Variants in MTREX observed in about 807,000 individuals in gnomAD.
MTREX encodes the protein exosome RNA helicase MTR4.
In MTREX, 76 loss-of-function variants were observed where a neutral mutation model predicts 135.4. The observed-to-expected ratio is 0.56, with a 90% confidence interval of 0.47 to 0.68. The LOEUF (loss-of-function observed/expected upper bound fraction) is 0.68. MTREX is among the 30% of genes least tolerant of loss of function. The pLI, the probability that MTREX is intolerant of heterozygous loss-of-function variation, is 0.00. For missense variants in MTREX, 920 were observed against 1,262.1 expected (o/e 0.73, Z 4.11); for synonymous variants, 404 against 401.6 (o/e 1.01, Z -0.07).
At chr5:55,330,152 C>T (rs1749449686) in intron 5 of MTREX, among the ~76,000 whole-genome samples, 2 of 151,982 alleles carry the variant, frequency 1.3e-5, no homozygotes, top group African/African-American at 2.4e-5. Flanking sequence ...AAACAGAGCT[C>T]ATTTGCATTC....
At chr5:55,322,590 T>C in intron 2 of MTREX, 126 bp downstream of exon 2, 1 of 667,046 alleles carries the variant, frequency 1.5e-6, no homozygotes, top group Non-Finnish European at 2.4e-6. Flanking sequence ...ATATTCTTTC[T>C]ATTTTTACAC....
intron 22 of MTREX, among the ~76,000 whole-genome samples, chr5:55,407,676 A>G (rs1397625779): frequency 6.6e-6 from 1 of 152,034 alleles, no homozygotes; most frequent in Non-Finnish European, 1.5e-5. Flanking sequence ...TTTGGCCTCA[A>G]TTACTGCAGT....
In MTREX at chr5:55,311,673, A is replaced by G. The variant is rs560883860; in HGVS notation, c.134+3526A>G. 3.3e-5 allele frequency among the ~76,000 whole-genome samples: 5 copies of G among 152,346 alleles called. No individual in the cohort carries two copies. In the East Asian group the frequency reaches 7.7e-4, roughly 23 times the overall value. ...CCTCACGTAGCTGTTGAGCACTTAAAATATGACTTGTCAGAATTGAGATGT... is the reference window on the plus strand; with the variant it reads ...CCTCACGTAGCTGTTGAGCACTTAAGATATGACTTGTCAGAATTGAGATGT... On this transcript the variant is annotated intron_variant, in intron 1 of 26. Coordinates refer to ENST00000230640, the MANE Select transcript of MTREX (RefSeq NM_015360.5).
chr5:55,336,265 C>T (rs374167305), intron 5 of MTREX, among the ~76,000 whole-genome samples: 1 of 152,058 alleles, frequency 6.6e-6, no homozygotes, highest in South Asian at 2.1e-4. Flanking sequence ...TTGGATAGTA[C>T]TGAGAGTGGA....
At chr5:55,309,675 T>G (rs1297166363) in intron 1 of MTREX, among the ~76,000 whole-genome samples, 1 of 152,204 alleles carries the variant, frequency 6.6e-6, no homozygotes, top group Non-Finnish European at 1.5e-5. Flanking sequence ...AGTATGTCTG[T>G]AGGAAAATGT....
intron 11 of MTREX, among the ~76,000 whole-genome samples, chr5:55,348,531 A>C (rs1337317919): frequency 6.6e-6 from 1 of 152,204 alleles, no homozygotes; most frequent in African/African-American, 2.4e-5. Flanking sequence ...ATAATATCTT[A>C]AGCCATCCAA....
chr5:55,425,492 T>TAAAG lies in MTREX; in HGVS notation c.*722_*725dup, dbSNP rs751681508. The stretch of plus-strand genomic sequence containing the variant: ...AAATTAGAGACTAACTGGGATTTTT[T>TAAAG]AAAGATTATTCCAAATTAAGAGTTG... On this transcript the variant is annotated 3_prime_UTR_variant, in exon 27 of 27. Coordinates refer to ENST00000230640, the MANE Select transcript of MTREX (RefSeq NM_015360.5). The TAAAG allele has an allele frequency of 2.0e-5, 13 of 649,216 alleles. No homozygotes were observed. Among genetic ancestry groups the TAAAG allele is most frequent in the Non-Finnish European group, 2.6e-5 (11 of 423,090 alleles). 40.2% of individuals were successfully genotyped at this position (649,216 alleles called of 1,614,324 possible).
intron 18 of MTREX, among the ~76,000 whole-genome samples, chr5:55,381,423 C>T (rs1041893022): frequency 2.6e-5 from 4 of 152,098 alleles, no homozygotes; most frequent in East Asian, 1.9e-4. Context: ...CCTCTACAGA[C>T]GCTTTAGCTG....
intron 5 of MTREX, among the ~76,000 whole-genome samples, chr5:55,330,105 G>T (rs1165123260): frequency 1.3e-5 from 2 of 151,942 alleles, no homozygotes; most frequent in African/African-American, 4.8e-5. Context: ...TTGAGGCAGG[G>T]TCTTGCTCTG....
At chr5:55,386,992 T>G (rs1561205183) in intron 18 of MTREX, among the ~76,000 whole-genome samples, 1 of 152,160 alleles carries the variant, frequency 6.6e-6, no homozygotes, top group East Asian at 1.9e-4. Flanking sequence ...CTGAACATAA[T>G]CTTTGCAGAT....
chr5:55,397,470 A>G lies in MTREX; in HGVS notation c.2236A>G (p.Ile746Val), dbSNP rs1302707395. Residue 746 changes from isoleucine to valine, a missense_variant, in exon 20 of 27, where the codon ATT becomes GTT. Ile to Val is a conservative substitution (Grantham distance 29). Around this residue, in one of 6 missense-constraint regions of MTREX, gnomAD observed 467 missense variants for 589.7 expected, o/e 0.79. Transcript: ENST00000230640. Reference sequence around the variant, plus strand: ...TGCTATCAGCAGTGTTAGGCTTTACATTCCTAAAGACCTTCGGCCGGTGGA... The same window carrying G: ...TGCTATCAGCAGTGTTAGGCTTTACGTTCCTAAAGACCTTCGGCCGGTGGA... ...LSAISSVRLY[I>V]PKDLRPVDNR... The G allele has an allele frequency of 2.5e-6, 4 of 1,611,020 alleles. No homozygotes were observed. Among genetic ancestry groups the G allele is most frequent in the Non-Finnish European group, 3.4e-6 (4 of 1,177,932 alleles).
In MTREX at chr5:55,343,356, T is replaced by C. The variant is rs1749681185; in HGVS notation, c.807T>C (p.Thr269=). Residue 269 remains threonine (T), a synonymous_variant, in exon 8 of 27, where the codon ACT becomes ACC. Coordinates refer to ENST00000230640, the MANE Select transcript of MTREX (RefSeq NM_015360.5). ...DSERGVVWEE[T]IILLPDNVHY... ...AACGTGGTGTAGTATGGGAAGAAAC[T>C]ATTATTTTGCTTCCTGATAACGTCC... The C allele has an allele frequency of 1.9e-6, 3 of 1,611,878 alleles. No individual in the cohort carries two copies. Among genetic ancestry groups the C allele is most frequent in the Non-Finnish European group, 2.5e-6 (3 of 1,178,276 alleles).
At chr5:55,337,695 G>A (rs376686177) in intron 5 of MTREX, among the ~76,000 whole-genome samples, 4 of 148,872 alleles carry the variant, frequency 2.7e-5, no homozygotes, top group Non-Finnish European at 4.4e-5. Context: ...AAGATACTTC[G>A]TGAAATTTCA....
chr5:55,423,880 T>C (rs1021600841), intron 26 of MTREX: 2 of 152,226 alleles, frequency 1.3e-5, no homozygotes, highest in African/African-American at 4.8e-5. Flanking sequence ...AGAAGAGGTT[T>C]GCAAAAACTG....
At chr5:55,377,291 C>A (rs1272371095) in intron 16 of MTREX, among the ~76,000 whole-genome samples, 1 of 152,062 alleles carries the variant, frequency 6.6e-6, no homozygotes, top group East Asian at 1.9e-4. Context: ...CACGCCACTG[C>A]ACTCTAGCCT....
intron 5 of MTREX, among the ~76,000 whole-genome samples, chr5:55,337,260 A>G (rs1164354985): frequency 2.0e-5 from 3 of 152,076 alleles, no homozygotes; most frequent in African/African-American, 7.2e-5. Context: ...AACTGGGAGT[A>G]CAGACGTGCG....
intron 26 of MTREX, chr5:55,424,113 A>G (rs919169194): frequency 1.3e-5 from 2 of 151,976 alleles, no homozygotes; most frequent in Non-Finnish European, 2.9e-5. Flanking sequence ...GTCCTTCCCT[A>G]TAATTTTTTT....
intron 16 of MTREX, among the ~76,000 whole-genome samples, chr5:55,372,892 ATGTGTGTGTGTGTGTGTGTG>A (rs59026723): frequency 2.6e-4 from 32 of 120,914 alleles, no homozygotes; most frequent in African/African-American, 3.4e-4. Flanking sequence ...TAAAACTGTA[ATGTGTGTGTGTGTGTGTGTG>A]TGTGTGTGTG....
At chr5:55,390,065 C>G (rs1750541175) in intron 19 of MTREX, among the ~76,000 whole-genome samples, 2 of 151,936 alleles carry the variant, frequency 1.3e-5, no homozygotes, top group African/African-American at 2.4e-5. Flanking sequence ...GATATGATGC[C>G]AAATTTAGCT....
Sources: allele counts gnomAD v4.1 joint callset (sites outside exome capture counted in the v4.1 genomes callset), GRCh38; gene constraint gnomAD v4.1.1; regional missense constraint gnomAD v4.1.1; transcripts MANE v1.5; gene names NCBI Gene and HGNC (gene_info 2026-07-23, HGNC 2026-07-21).